Variants in MALSU1 observed in about 807,000 individuals in gnomAD.
MALSU1 encodes mitochondrial assembly of ribosomal large subunit protein 1.
A neutral mutation model predicts 22.1 loss-of-function variants in MALSU1; 22 were observed. That is an observed-to-expected ratio of 1.00 (90% CI 0.71 to 1.42). The LOEUF is 1.42. Ranked by LOEUF, MALSU1 falls within the 40% of genes most tolerant of loss-of-function variation. MALSU1 has a pLI of 0.00. For missense variants in MALSU1, 379 were observed against 308.3 expected, an observed-to-expected ratio of 1.23 and a Z score of -1.72; for synonymous variants, 153 against 118.5, an observed-to-expected ratio of 1.29 and a Z score of -1.89.
chr7:23,309,609 C>G lies in MALSU1; in HGVS notation c.*66C>G. 1 of 1,318,758 alleles carries G rather than the reference C, an allele frequency of 7.6e-7. No individual in the cohort carries two copies. The highest frequency in any genetic ancestry group is 1.0e-6 in the Non-Finnish European group (1 of 970,190). The allele number at this position is 1,318,758 out of a possible 1,614,324, so 81.7% of individuals were successfully genotyped here. A position where few individuals can be genotyped will look rare whatever the true frequency, so the allele number is the denominator to read the frequency against. On this transcript the variant is annotated 3_prime_UTR_variant, in exon 4 of 4. Coordinates refer to ENST00000466681, the MANE Select transcript of MALSU1 (RefSeq NM_138446.2). ...GAGTCACTTATTGGAAAATACAGCT[C>G]CTAAAGTCCGTCTCCTTGGTTAGGC...
intron 3 of MALSU1, 152 bp downstream of exon 3, chr7:23,308,101 TATA>T (rs1217939821): frequency 3.0e-6 from 2 of 662,210 alleles, no homozygotes; most frequent in Non-Finnish European, 5.3e-6. Flanking sequence ...TTTTTTTAGT[TATA>T]ATCCAGGTGG....
At chr7:23,301,145 A>T (rs1783639600) in intron 2 of MALSU1, 128 bp downstream of exon 2, 1 of 735,878 alleles carries the variant, frequency 1.4e-6, no homozygotes, top group African/African-American at 1.7e-5. Context: ...AAATTTTCAG[A>T]ATTTGCATGA....
At chr7:23,308,602 G>A (rs1005439613) in intron 3 of MALSU1, among the ~76,000 whole-genome samples, 4 of 152,180 alleles carry the variant, frequency 2.6e-5, no homozygotes, top group Admixed American at 6.5e-5. Context: ...ACTCACAGCA[G>A]TAGCCAGCAT....
intron 2 of MALSU1, chr7:23,301,257 A>AT (rs376929054): frequency 0.048 from 12,936 of 269,704 alleles, no homozygotes; most frequent in Middle Eastern, 0.07. Context: ...CGCAAGGAAG[A>AT]TTTTTTTTTT....
chr7:23,309,070 T>TG (rs1323332252), intron 3 of MALSU1, among the ~76,000 whole-genome samples: 2 of 152,210 alleles, frequency 1.3e-5, no homozygotes, highest in Non-Finnish European at 2.9e-5. Flanking sequence ...GTGTTACCCA[T>TG]GGAGAATTGT....
intron 1 of MALSU1, 59 bp from the exon 2 acceptor site, chr7:23,300,780 G>T (rs190413181): frequency 7.1e-7 from 1 of 1,412,236 alleles, no homozygotes; most frequent in East Asian, 2.3e-5. Flanking sequence ...GCATCTCTGG[G>T]TGCATACACG....
At chr7:23,303,511 A>C (rs1783675731) in intron 2 of MALSU1, among the ~76,000 whole-genome samples, 1 of 152,206 alleles carries the variant, frequency 6.6e-6, no homozygotes, top group South Asian at 2.1e-4. Context: ...AATACTGTTC[A>C]TGAGGCTGGG....
In MALSU1 at chr7:23,300,984, C is replaced by G; in HGVS notation, c.402C>G (p.His134Gln). 6.2e-7 allele frequency: 1 copy of G among 1,613,982 alleles called. No individual in the cohort carries two copies. Among genetic ancestry groups the G allele is most frequent in the South Asian group, 1.1e-5 (1 of 91,068 alleles). Reference sequence around the variant, plus strand: ...TTGTTAGTGGAACTTCTACCCGACACTTACATGCCATGGCCTTCTACGTTG... The same window carrying G: ...TTGTTAGTGGAACTTCTACCCGACAGTTACATGCCATGGCCTTCTACGTTG... ...FVIVSGTSTR[H>Q]LHAMAFYVVK... Residue 134 changes from histidine (H) to glutamine (Q), a missense_variant, in exon 2 of 4, where the codon CAC becomes CAG. Transcript: ENST00000466681.
chr7:23,309,724 A>G lies in MALSU1; in HGVS notation c.*181A>G, dbSNP rs1783780825. The stretch of plus-strand genomic sequence containing the variant: ...GATAAGTGAGCTATACCTGCAACCA[A>G]AAATCAGTACATTCTACCCAAAACT... On this transcript the variant is annotated 3_prime_UTR_variant, in exon 4 of 4. Transcript: ENST00000466681. 7.2e-6 allele frequency: 3 copies of G among 416,526 alleles called. No homozygotes were observed. The highest frequency in any genetic ancestry group is 1.3e-5 in the Non-Finnish European group (3 of 235,502). 25.8% of individuals were successfully genotyped at this position (416,526 alleles called of 1,614,324 possible).
chr7:23,302,117 C>T (rs1435436685), intron 2 of MALSU1, among the ~76,000 whole-genome samples: 1 of 152,162 alleles, frequency 6.6e-6, no homozygotes, highest in Non-Finnish European at 1.5e-5. Context: ...CAGTGCTGGC[C>T]TGGAGTTTCA....
chr7:23,306,104 G>T (rs1034712563), intron 2 of MALSU1, among the ~76,000 whole-genome samples: 1 of 152,184 alleles, frequency 6.6e-6, no homozygotes, highest in Non-Finnish European at 1.5e-5. Flanking sequence ...TGAGGCAGGA[G>T]AATCGCTTGA....
In MALSU1 at chr7:23,309,542, A is replaced by G. The variant is rs757061874; in HGVS notation, c.704A>G (p.Ter235=). ...ACTCCAGTGGAGTTAAAATGTGAATAAAATATTTTATGCACTGCGTTAGTC... is the reference window on the plus strand; with the variant it reads ...ACTCCAGTGGAGTTAAAATGTGAATGAAATATTTTATGCACTGCGTTAGTC... ...SVTPVELKCE[*] Residue 235 remains the stop codon, a stop_retained_variant, in exon 4 of 4, where the codon TAA becomes TGA. Coordinates refer to ENST00000466681, the MANE Select transcript of MALSU1 (RefSeq NM_138446.2). The G allele has an allele frequency of 1.9e-6, 3 of 1,593,006 alleles. No individual in the cohort carries two copies. Among genetic ancestry groups the G allele is most frequent in the Middle Eastern group, 1.7e-4 (1 of 5,974 alleles).
chr7:23,301,643 C>T (rs539049198), intron 2 of MALSU1, among the ~76,000 whole-genome samples: 1 of 152,264 alleles, frequency 6.6e-6, no homozygotes, highest in Non-Finnish European at 1.5e-5. Flanking sequence ...TTACGGTAGC[C>T]ACTAGCTACA....
chr7:23,307,067 A>T (rs1316639455), intron 2 of MALSU1, among the ~76,000 whole-genome samples: 1 of 151,986 alleles, frequency 6.6e-6, no homozygotes, highest in African/African-American at 2.4e-5. Flanking sequence ...TTGAAACTTT[A>T]TATTTCTGCA....
intron 2 of MALSU1, among the ~76,000 whole-genome samples, chr7:23,301,462 TTGG>T (rs1047032455): frequency 6.6e-6 from 1 of 152,132 alleles, no homozygotes; most frequent in African/African-American, 2.4e-5. Context: ...TTTCTCCATG[TTGG>T]TCAGGCTGGT....
In MALSU1 at chr7:23,309,485, T is replaced by C. The variant is rs1194795498; in HGVS notation, c.647T>C (p.Ile216Thr). The C allele has an allele frequency of 6.2e-7, 1 of 1,613,034 alleles. No homozygotes were observed. Among genetic ancestry groups the C allele is most frequent in the South Asian group, 1.1e-5 (1 of 90,922 alleles). The change falls in exon 4 of 4, where the codon ATT becomes ACT. Residue 216 changes from isoleucine to threonine, a missense_variant. Transcript: ENST00000466681. ...CCTGAGACAGTACCTGAAGACTTCA[T>C]TCTTGGAATAGAAGATGATACTTCA... is the stretch of plus-strand genomic sequence containing the variant. ...IAPETVPEDFILGIEDDTSSV... is the reference protein window; with the variant it reads ...IAPETVPEDFTLGIEDDTSSV...
Position 23,301,073 on chromosome 7 carries a change from C to T in MALSU1, c.435+56C>T. ...TTAACTGAGTGGAATAGTGACAGTG[C>T]ATCAGGCCAAGGAGCAACACTTAGA... is the stretch of plus-strand genomic sequence containing the variant. On this transcript the variant is annotated intron_variant, in intron 2 of 3. Coordinates refer to ENST00000466681, the MANE Select transcript of MALSU1 (RefSeq NM_138446.2). 4.0e-6 allele frequency: 6 copies of T among 1,502,294 alleles called. No homozygotes were observed. In the South Asian group the frequency reaches 6.1e-5, roughly 15 times the overall value. The allele number at this position is 1,502,294 out of a possible 1,614,324, so 93.1% of individuals were successfully genotyped here.
chr7:23,300,914 T>G lies in MALSU1; in HGVS notation c.332T>G (p.Val111Gly), dbSNP rs769140229. The change falls in exon 2 of 4, where the codon GTG becomes GGG. Residue 111 changes from valine (V) to glycine (G), a missense_variant. By Grantham distance (109) the Val-to-Gly change is moderately radical. Transcript: ENST00000466681. Reference sequence around the variant, plus strand: ...CAAGAAAATGCAAGAGACATTTGTGTGATCCAGGTTCCTCCAGAAATGAGA... The same window carrying G: ...CAAGAAAATGCAAGAGACATTTGTGGGATCCAGGTTCCTCCAGAAATGAGA... The part of the protein sequence containing the change: ...LRQENARDIC[V>G]IQVPPEMRYT... 3 of 1,614,104 alleles carry G rather than the reference T, an allele frequency of 1.9e-6. No individual in the cohort carries two copies. The highest frequency in any genetic ancestry group is 2.5e-6 in the Non-Finnish European group (3 of 1,179,964).
chr7:23,311,608 C>A lies in MALSU1; in HGVS notation c.*2065C>A, dbSNP rs960571885. On this transcript the variant is annotated 3_prime_UTR_variant, in exon 4 of 4. Coordinates refer to ENST00000466681, the MANE Select transcript of MALSU1 (RefSeq NM_138446.2). ...TAACTGTGTCAAAAGCCTCAAAAAA[C>A]CCTGAAATTAATTTTCCAGCTTTAC... The A allele has an allele frequency of 2.0e-5, 3 of 152,348 alleles. No homozygotes were observed. Among genetic ancestry groups the A allele is most frequent in the South Asian group, 2.1e-4 (1 of 4,838 alleles). 9.4% of individuals were successfully genotyped at this position (152,348 alleles called of 1,614,324 possible).
Sources: allele counts gnomAD v4.1 joint callset (sites outside exome capture counted in the v4.1 genomes callset), GRCh38; gene constraint gnomAD v4.1.1; transcripts MANE v1.5; gene names NCBI Gene and HGNC (gene_info 2026-07-23, HGNC 2026-07-21).